HTR2C: variants seen among roughly 807,000 people sequenced by gnomAD.
HTR2C encodes 5-hydroxytryptamine receptor 2C, also known as 5-hydroxytryptamine (serotonin) receptor 2C, G protein-coupled.
In HTR2C, 5 loss-of-function variants were observed where a neutral mutation model predicts 21.0. The ratio of observed to expected loss-of-function variants is 0.24; its 90% CI spans 0.12 to 0.50. HTR2C has a LOEUF of 0.50. Among genes scored for constraint, HTR2C ranks in the 20% least tolerant of loss-of-function variants. The pLI, the probability that HTR2C is intolerant of heterozygous loss-of-function variation, is 0.98. For missense variants in HTR2C, 271 were observed against 371.2 expected (o/e 0.73, Z 2.22); for synonymous variants, 150 against 145.3 (o/e 1.03, Z -0.23).
intron 2 of HTR2C, among the ~76,000 whole-genome samples, chrX:114,638,525 T>TATTTATTTATTTATTTATTATTA (rs1929949633): frequency 9.1e-6 from 1 of 110,206 alleles, no homozygotes; most frequent in Admixed American, 9.7e-5. Flanking sequence ...ATTTATTATT[T>TATTTATTTATTTATTTATTATTA]TTTTCTTTTA....
chrX:114,652,812 C>T (rs1930632503), intron 2 of HTR2C: 3 of 242,274 alleles, frequency 1.2e-5, no homozygotes, highest in Middle Eastern at 1.1e-3. Context: ...ATCGCCATAT[C>T]TGAAAGTCTG....
Position 114,906,960 on chromosome X carries a change from A to C in HTR2C, c.922A>C (p.Lys308Gln), listed in dbSNP as rs202077519. The change falls in exon 6 of 6, where the codon AAA becomes CAA. Residue 308 changes from lysine to glutamine, a missense_variant. By Grantham distance (53) the Lys-to-Gln change is moderately conservative. Transcript: ENST00000276198. ...CATGCAGGCTATCAACAATGAAAGA[A>C]AAGCTTCGAAAGTCCTTGGGATTGT... The part of the protein sequence containing the change: ...GTMQAINNER[K>Q]ASKVLGIVFF... The C allele has an allele frequency of 3.3e-6, 4 of 1,210,963 alleles. No individual in the cohort carries two copies. Among genetic ancestry groups the C allele is most frequent in the Non-Finnish European group, 4.5e-6 (4 of 895,114 alleles).
chrX:114,586,878 G>A (rs1317088325), intron 1 of HTR2C, among the ~76,000 whole-genome samples: 2 of 110,637 alleles, frequency 1.8e-5, no homozygotes, highest in Non-Finnish European at 3.8e-5. Flanking sequence ...CATTTTATCG[G>A]TGCCATTAGA....
Position 114,672,136 on chromosome X carries a change from C to T in HTR2C, c.-79-54722C>T, listed in dbSNP as rs189423046. ...CATTTGCCTTTATAAGAGAGAAGTGCTAAATCTGAAAAGTAGAGTAACTTG... is the reference window on the plus strand; with the variant it reads ...CATTTGCCTTTATAAGAGAGAAGTGTTAAATCTGAAAAGTAGAGTAACTTG... On this transcript the variant is annotated intron_variant, in intron 2 of 5. Transcript: ENST00000276198. 4.8e-3 allele frequency among the ~76,000 whole-genome samples: 540 copies of T among 111,893 alleles called. 6 individuals are homozygous for T. The highest frequency in any genetic ancestry group is 0.019 in the Middle Eastern group (4 of 215).
At chrX:114,843,854 T>G (rs782188435) in intron 4 of HTR2C, among the ~76,000 whole-genome samples, 2 of 111,340 alleles carry the variant, frequency 1.8e-5, no homozygotes, top group Non-Finnish European at 3.8e-5. Flanking sequence ...AATTGTCAAC[T>G]AAATGCTCTA....
At chrX:114,596,757 T>C (rs782038208) in intron 1 of HTR2C, among the ~76,000 whole-genome samples, 2 of 112,183 alleles carry the variant, frequency 1.8e-5, no homozygotes, top group Non-Finnish European at 3.8e-5. Context: ...CTTATCACTA[T>C]CTTTAATGAA....
At chrX:114,643,177 T>C (rs781948985) in intron 2 of HTR2C, among the ~76,000 whole-genome samples, 1 of 110,971 alleles carries the variant, frequency 9.0e-6, no homozygotes. Flanking sequence ...GATAAATGAG[T>C]CTTTGCAGAT....
chrX:114,617,472 C>T (rs2147808137), intron 2 of HTR2C, among the ~76,000 whole-genome samples: 1 of 112,112 alleles, frequency 8.9e-6, no homozygotes, highest in African/African-American at 3.2e-5. Flanking sequence ...AACAGAAATA[C>T]AGAAATAGAC....
intron 4 of HTR2C, among the ~76,000 whole-genome samples, chrX:114,810,768 T>G (rs1038874567): frequency 1.0e-4 from 11 of 108,488 alleles, no homozygotes; most frequent in South Asian, 4.4e-4. Context: ...GTGCTTTTTT[T>G]TGTGTGTGGA....
intron 5 of HTR2C, among the ~76,000 whole-genome samples, chrX:114,890,738 T>C (rs35100185): frequency 8.9e-6 from 1 of 111,900 alleles, no homozygotes; most frequent in Non-Finnish European, 1.9e-5. Flanking sequence ...TCATATGAAA[T>C]ATGTCTCTTC....
At position 114,907,630 on chromosome X, in the gene HTR2C, T is replaced by C. The variant is rs782029081; in HGVS notation, c.*215T>C. ...TTTATAATAGGTGGAGACTAACTTATTTTGATTGTTTGATGAATAAAATGT... is the reference window on the plus strand; with the variant it reads ...TTTATAATAGGTGGAGACTAACTTACTTTGATTGTTTGATGAATAAAATGT... On this transcript the variant is annotated 3_prime_UTR_variant, in exon 6 of 6. Coordinates refer to ENST00000276198, the MANE Select transcript of HTR2C (RefSeq NM_000868.4). 5 of 306,016 alleles carry C rather than the reference T, an allele frequency of 1.6e-5. No homozygotes were observed. Among genetic ancestry groups the C allele is most frequent in the Non-Finnish European group, 2.8e-5 (5 of 175,499 alleles). The allele number at this position is 306,016 out of a possible 1,213,427, so 25.2% of individuals were successfully genotyped here.
rs4911806 is a variant in HTR2C at position 114,725,303 on chromosome X, C to T, written c.-79-1555C>T. 4.6e-3 allele frequency among the ~76,000 whole-genome samples: 515 copies of T among 111,410 alleles called. 2 individuals carry two copies. The highest frequency in any genetic ancestry group is 0.013 in the African/African-American group (410 of 30,521). ...ACTGATACCCTTTCTTCCAGTTGAT[C>T]GCATCGGCTCCTGAGGCTTCTGCAT... On this transcript the variant is annotated intron_variant, in intron 2 of 5. Transcript: ENST00000276198.
At chrX:114,860,628 T>C (rs2070999339) in intron 5 of HTR2C, among the ~76,000 whole-genome samples, 1 of 111,698 alleles carries the variant, frequency 9.0e-6, no homozygotes, top group African/African-American at 3.2e-5. Context: ...AGTTTTTTCT[T>C]TGTTTCTTTA....
chrX:114,878,894 G>A (rs1238048078), intron 5 of HTR2C, among the ~76,000 whole-genome samples: 1 of 109,826 alleles, frequency 9.1e-6, no homozygotes, highest in African/African-American at 3.3e-5. Context: ...GAATTGTTTT[G>A]CATCCCAGCA....
intron 4 of HTR2C, among the ~76,000 whole-genome samples, chrX:114,845,084 A>G (rs1447113113): frequency 9.0e-6 from 1 of 111,282 alleles, no homozygotes; most frequent in Non-Finnish European, 1.9e-5. Flanking sequence ...TCATGTGCAC[A>G]TGGAACATTC....
intron 2 of HTR2C, among the ~76,000 whole-genome samples, chrX:114,658,257 A>T (rs936261470): frequency 1.8e-5 from 2 of 111,863 alleles, no homozygotes; most frequent in African/African-American, 6.5e-5. Context: ...ATATTTATGA[A>T]TTATCATATT....
chrX:114,814,985 T>C (rs1256373205), intron 4 of HTR2C, among the ~76,000 whole-genome samples: 2 of 103,812 alleles, frequency 1.9e-5, no homozygotes, highest in Non-Finnish European at 3.9e-5. Context: ...ATACATTATA[T>C]ATTATAGTAT....
chrX:114,679,478 C>T (rs782527211), intron 2 of HTR2C, among the ~76,000 whole-genome samples: 1 of 110,063 alleles, frequency 9.1e-6, no homozygotes, highest in Non-Finnish European at 1.9e-5. Context: ...GGGGTTTCAC[C>T]ATGTTGGCCA....
rs137903956 is a variant in HTR2C at position 114,731,331 on chromosome X, A to G, written c.73A>G (p.Ile25Val). The G allele has an allele frequency of 5.0e-5, 60 of 1,201,863 alleles. No homozygotes were observed. Among genetic ancestry groups the G allele is most frequent in the Non-Finnish European group, 6.4e-5 (57 of 890,376 alleles). The change falls in exon 4 of 6, where the codon ATT becomes GTT. Residue 25 changes from isoleucine to valine, a missense_variant. Around this residue, in one of 5 missense-constraint regions of HTR2C, gnomAD observed 57 missense variants for 64.0 expected, o/e 0.89. Coordinates refer to ENST00000276198, the MANE Select transcript of HTR2C (RefSeq NM_000868.4). ...LIGLLVWQSD[I>V]SVSPVAAIVT... Reference sequence around the variant, plus strand: ...TGGCCTATTGGTTTGGCAATCTGATATTTCTGTGAGCCCAGTAGCAGCTAT... The same window carrying G: ...TGGCCTATTGGTTTGGCAATCTGATGTTTCTGTGAGCCCAGTAGCAGCTAT...
Sources: gnomAD v4.1 joint callset for allele counts (sites outside exome capture counted in the v4.1 genomes callset) on GRCh38, gnomAD v4.1.1 for gene constraint, gnomAD v4.1.1 regional missense constraint, MANE v1.5 for transcripts, NCBI Gene and HGNC (gene_info 2026-07-23, HGNC 2026-07-21) for gene names.